The following SUGCT variants were observed in gnomAD, a reference collection of about 807,000 sequenced individuals.
SUGCT encodes the protein succinyl-CoA:glutarate CoA-transferase.
A neutral mutation model predicts 55.0 loss-of-function variants in SUGCT; 41 were observed. The observed-to-expected ratio is 0.74, with a 90% CI of 0.58 to 0.97. The LOEUF is 0.97. Ranked by LOEUF, SUGCT falls within the 50% of genes least tolerant of loss-of-function variation. The pLI, the probability that SUGCT is intolerant of heterozygous loss-of-function variation, is 0.00. For synonymous variants in SUGCT, 187 were observed against 200.4 expected, an observed-to-expected ratio of 0.93 and a Z score of 0.56; for missense variants, 568 against 547.8, an observed-to-expected ratio of 1.04 and a Z score of -0.37.
At chr7:40,175,903 C>T (rs1415884243) in intron 1 of SUGCT, among the ~76,000 whole-genome samples, 1 of 152,002 alleles carries the variant, frequency 6.6e-6, no homozygotes, top group African/African-American at 2.4e-5. Context: ...GTGAAAGCTC[C>T]ACATGTATTG....
intron 12 of SUGCT, among the ~76,000 whole-genome samples, chr7:40,514,903 A>T (rs947270588): frequency 2.0e-5 from 3 of 152,144 alleles, no homozygotes; most frequent in Admixed American, 2.0e-4. Flanking sequence ...AGTTATTTTT[A>T]AAAACATGTT....
chr7:40,670,058 A>G (rs1427491858), intron 12 of SUGCT, among the ~76,000 whole-genome samples: 1 of 150,560 alleles, frequency 6.6e-6, no homozygotes, highest in African/African-American at 2.4e-5. Flanking sequence ...GAAAAATAAC[A>G]CCTTTCCTAC....
chr7:40,757,105 T>C (rs1788291467), intron 13 of SUGCT, among the ~76,000 whole-genome samples: 1 of 152,176 alleles, frequency 6.6e-6, no homozygotes, highest in African/African-American at 2.4e-5. Context: ...GCCTGGAGTC[T>C]TCTCTGGAAG....
chr7:40,717,186 C>T (rs777947238), intron 12 of SUGCT, among the ~76,000 whole-genome samples: 3 of 152,188 alleles, frequency 2.0e-5, no homozygotes, highest in Middle Eastern at 3.4e-3. Flanking sequence ...TTGTTCACTG[C>T]GATAATATTG....
intron 9 of SUGCT, among the ~76,000 whole-genome samples, chr7:40,408,892 A>T (rs948743385): frequency 2.0e-5 from 3 of 152,200 alleles, no homozygotes; most frequent in African/African-American, 7.2e-5. Context: ...TTATGAACAG[A>T]TACACAAAGG....
chr7:40,150,100 A>T (rs1788476556), intron 1 of SUGCT, among the ~76,000 whole-genome samples: 1 of 152,038 alleles, frequency 6.6e-6, no homozygotes, highest in African/African-American at 2.4e-5. Context: ...TCAAAAAAAT[A>T]ATTATGGTTT....
chr7:40,646,159 C>G (rs929781074), intron 12 of SUGCT, among the ~76,000 whole-genome samples: 1 of 152,164 alleles, frequency 6.6e-6, no homozygotes, highest in African/African-American at 2.4e-5. Flanking sequence ...ACTTCTTCTT[C>G]CCCACATATA....
At chr7:40,842,318 TA>T (rs1388600217) in intron 13 of SUGCT, among the ~76,000 whole-genome samples, 2 of 152,146 alleles carry the variant, frequency 1.3e-5, no homozygotes, top group Non-Finnish European at 2.9e-5. Context: ...AATAATCATT[TA>T]AAAAAATAAC....
the SUGCT span, among the ~76,000 whole-genome samples, chr7:40,907,738 T>C: frequency 6.6e-6 from 1 of 152,174 alleles, no homozygotes; most frequent in Non-Finnish European, 1.5e-5. Flanking sequence ...TGGAGGGATC[T>C]TTAACTCAGA....
intron 9 of SUGCT, among the ~76,000 whole-genome samples, chr7:40,397,539 G>A (rs1252443740): frequency 6.6e-6 from 1 of 152,166 alleles, no homozygotes; most frequent in African/African-American, 2.4e-5. Flanking sequence ...TCATTGTGGA[G>A]GAGAGCAAAG....
At chr7:40,944,085 G>T in the SUGCT span, among the ~76,000 whole-genome samples, 1 of 152,102 alleles carries the variant, frequency 6.6e-6, no homozygotes, top group Non-Finnish European at 1.5e-5. Flanking sequence ...CTTCTTTTGA[G>T]AAGTGTCTGT....
intron 10 of SUGCT, among the ~76,000 whole-genome samples, chr7:40,457,347 G>A (rs1039708016): frequency 2.6e-5 from 4 of 152,120 alleles, no homozygotes; most frequent in Admixed American, 2.0e-4. Context: ...AGGAGGCTGA[G>A]GCAGGAGAAT....
At chr7:40,790,836 G>A (rs1790274167) in intron 13 of SUGCT, among the ~76,000 whole-genome samples, 1 of 152,180 alleles carries the variant, frequency 6.6e-6, no homozygotes, top group African/African-American at 2.4e-5. Flanking sequence ...ACACTGACTG[G>A]TGTGCATTTT....
intron 9 of SUGCT, among the ~76,000 whole-genome samples, chr7:40,432,918 T>C (rs992329539): frequency 1.3e-5 from 2 of 152,080 alleles, no homozygotes; most frequent in Admixed American, 6.6e-5. Context: ...TCCTTCTTCT[T>C]TGTGAACTTA....
At chr7:40,708,246 C>G (rs562143693) in intron 12 of SUGCT, among the ~76,000 whole-genome samples, 2 of 152,208 alleles carry the variant, frequency 1.3e-5, no homozygotes, top group East Asian at 3.9e-4. Context: ...TTAATGGTGT[C>G]CTATACTTAC....
chr7:40,170,897 G>A (rs1440051876), intron 1 of SUGCT, among the ~76,000 whole-genome samples: 1 of 152,106 alleles, frequency 6.6e-6, no homozygotes, highest in Non-Finnish European at 1.5e-5. Flanking sequence ...AAGGGGTTGG[G>A]GCTGCTGGAT....
At chr7:40,949,156 G>A in the SUGCT span, among the ~76,000 whole-genome samples, 1 of 152,174 alleles carries the variant, frequency 6.6e-6, no homozygotes, top group African/African-American at 2.4e-5. Context: ...TCTAACTGGT[G>A]TGAGATGGTA....
At chr7:40,945,486 AC>A in the SUGCT span, among the ~76,000 whole-genome samples, 1 of 152,086 alleles carries the variant, frequency 6.6e-6, no homozygotes, top group Non-Finnish European at 1.5e-5. Flanking sequence ...ATGCACCCAC[AC>A]CAAGCTCCTG....
chr7:40,672,315 A>G (rs1034679439), intron 12 of SUGCT, among the ~76,000 whole-genome samples: 3 of 152,206 alleles, frequency 2.0e-5, no homozygotes, highest in Non-Finnish European at 2.9e-5. Context: ...ATTTCATCAA[A>G]ATTAAGAACT....
Sources: gnomAD v4.1 joint callset for allele counts (sites outside exome capture counted in the v4.1 genomes callset) on GRCh38, gnomAD v4.1.1 for gene constraint, MANE v1.5 for transcripts, NCBI Gene and HGNC (gene_info 2026-07-23, HGNC 2026-07-21) for gene names.